MGA: variants seen among roughly 807,000 people sequenced by gnomAD.
MGA encodes MAX gene-associated protein.
MGA carries 40 observed loss-of-function variants against 261.1 expected under a neutral mutation model. The observed-to-expected ratio is 0.15, with a 90% CI of 0.12 to 0.20. The LOEUF (loss-of-function observed/expected upper bound fraction) is 0.20, where lower values mean the gene tolerates loss of function less well. MGA is among the 10% of genes least tolerant of loss of function. MGA has a pLI of 1.00. For missense variants in MGA, 3,397 were observed against 3,630.5 expected, an observed-to-expected ratio of 0.94 and a Z score of 1.65; for synonymous variants, 1,302 against 1,290.6, an observed-to-expected ratio of 1.01 and a Z score of -0.19.
Position 41,696,775 on chromosome 15 carries a change from A to G in MGA, c.1765A>G (p.Thr589Ala). 1 of 1,608,226 alleles carries G rather than the reference A, an allele frequency of 6.2e-7. No individual in the cohort carries two copies. The highest frequency in any genetic ancestry group is 8.5e-7 in the Non-Finnish European group (1 of 1,177,194). Reference sequence around the variant, plus strand: ...AGAGGACTTGGGCAGAAAGAGAACAACTATGCTTAAGATTGCAACAGCCGC... The same window carrying G: ...AGAGGACTTGGGCAGAAAGAGAACAGCTATGCTTAAGATTGCAACAGCCGC... The change falls in exon 3 of 24, where the codon ACT (threonine) becomes GCT (alanine). Residue 589 changes from threonine to alanine, a missense_variant. By Grantham distance (58) the Thr-to-Ala change is moderately conservative. Transcript: ENST00000219905.
chr15:41,739,192 G>A (rs1184260239), intron 13 of MGA, among the ~76,000 whole-genome samples: 1 of 152,098 alleles, frequency 6.6e-6, no homozygotes, highest in Non-Finnish European at 1.5e-5. Flanking sequence ...ATGATGGGCA[G>A]TCTGATAAAC....
At chr15:41,713,129 C>G (rs749733948) in intron 8 of MGA, 22 bp from the exon 9 acceptor site, 1 of 1,601,278 alleles carries the variant, frequency 6.2e-7, no homozygotes, top group Admixed American at 1.7e-5. Flanking sequence ...AGTGGAATTA[C>G]AATTTTCTCC....
chr15:41,756,727 A>G (rs1362637878), intron 18 of MGA, among the ~76,000 whole-genome samples: 2 of 152,218 alleles, frequency 1.3e-5, no homozygotes. Flanking sequence ...CTGCGTATCA[A>G]CATATCTCAG....
intron 10 of MGA, 75 bp from the exon 11 acceptor site, chr15:41,729,088 TA>T (rs1470144967): frequency 7.1e-7 from 1 of 1,408,334 alleles, no homozygotes; most frequent in East Asian, 2.4e-5. Flanking sequence ...AAAAAAAGAT[TA>T]AACATTCGTT....
At position 41,767,905 on chromosome 15, in the gene MGA, GT is replaced by G. The variant is rs2063876590; in HGVS notation, c.*626del. ...TTAACAAATTCAAGCCTTCAGTAAA[GT>G]AGGGATGCTTTTAACTTTTATTATT... On this transcript the variant is annotated 3_prime_UTR_variant, in exon 24 of 24. Transcript: ENST00000219905. 1 of 152,594 alleles carries G rather than the reference GT, an allele frequency of 6.6e-6. No homozygotes were observed. Among genetic ancestry groups the G allele is most frequent in the Non-Finnish European group, 1.5e-5 (1 of 68,048 alleles). The allele number at this position is 152,594 out of a possible 1,614,324, so 9.5% of individuals were successfully genotyped here.
intron 11 of MGA, among the ~76,000 whole-genome samples, chr15:41,732,716 C>T (rs2061573439): frequency 1.3e-5 from 2 of 152,118 alleles, no homozygotes; most frequent in Admixed American, 6.6e-5. Context: ...TATAAGTACC[C>T]TGTAAACACT....
chr15:41,680,371 A>T (rs2058602982), intron 2 of MGA, among the ~76,000 whole-genome samples: 1 of 152,070 alleles, frequency 6.6e-6, no homozygotes, highest in Non-Finnish European at 1.5e-5. Context: ...TAAAAAATTA[A>T]GTAAAAATAG....
At chr15:41,703,368 A>ATC (rs529304989) in intron 5 of MGA, among the ~76,000 whole-genome samples, 2 of 93,250 alleles carry the variant, frequency 2.1e-5, no homozygotes, top group Admixed American at 1.4e-4. Flanking sequence ...TTGTGAAGTT[A>ATC]CCCCCCCCCC....
rs1463241547 is a variant in MGA, at chr15:41,748,694, G to A, written c.5270G>A (p.Arg1757His). 4.3e-6 allele frequency: 7 copies of A among 1,613,858 alleles called. No individual in the cohort carries two copies. The highest frequency in any genetic ancestry group is 3.3e-5 in the Admixed American group (2 of 60,008). The change falls in exon 16 of 24, where the codon CGT becomes CAT. Residue 1757 changes from arginine (R) to histidine (H), a missense_variant. By Grantham distance (29) the Arg-to-His change is conservative. This residue lies in a region of MGA where 1,410 missense variants were observed against 1,386.4 expected (regional missense o/e 1.02). Transcript: ENST00000219905. ...CAGGTCTCTCCTAACACAGTGAAAC[G>A]TGCTGGACCTCGATTGTTGTTGATT...
At chr15:41,662,225 G>T (rs74441838) in intron 1 of MGA, among the ~76,000 whole-genome samples, 2,140 of 152,172 alleles carry the variant, frequency 0.014, 58 homozygotes, top group African/African-American at 0.049. Context: ...GGGTACCTTG[G>T]CATACTTACT....
chr15:41,658,909 T>C (rs2057269202), upstream of MGA, among the ~76,000 whole-genome samples: 1 of 152,086 alleles, frequency 6.6e-6, no homozygotes, highest in Admixed American at 6.6e-5. Flanking sequence ...TATGATCATA[T>C]ATTTTAATGC....
chr15:41,717,580 A>G (rs1000173441), intron 9 of MGA, among the ~76,000 whole-genome samples: 5 of 152,182 alleles, frequency 3.3e-5, no homozygotes, highest in African/African-American at 1.2e-4. Flanking sequence ...CTCAAGAAGA[A>G]ATAGGTGACT....
intron 3 of MGA, among the ~76,000 whole-genome samples, chr15:41,697,418 C>CTTTTTTTTTTT (rs1204938099): frequency 7.5e-6 from 1 of 132,834 alleles, no homozygotes; most frequent in Non-Finnish European, 1.6e-5. Context: ...TTTTTCTTTT[C>CTTTTTTTTTTT]TTTTTTTTTT....
rs1240285034 is a variant in MGA at position 41,718,318 on chromosome 15, T to TAC, written c.3430+4823_3430+4824insCA. 5.1e-4 allele frequency: 126 copies of TAC among 245,132 alleles called. 1 individual carries two copies. Among genetic ancestry groups the TAC allele is most frequent in the East Asian group, 3.4e-3 (59 of 17,604 alleles). The allele number at this position is 245,132 out of a possible 1,614,324, so 15.2% of individuals were successfully genotyped here. A position where few individuals can be genotyped will look rare whatever the true frequency, so the allele number is the denominator to read the frequency against. On this transcript the variant is annotated intron_variant, in intron 9 of 23. Transcript: ENST00000219905. ...GTGTGTGTGTATATATATATATATATATACATATATATATACATGTATAGT... is the reference window on the plus strand; with the variant it reads ...GTGTGTGTGTATATATATATATATATACATACATATATATATACATGTATAGT...
chr15:41,677,283 A>G (rs575861160), intron 2 of MGA, among the ~76,000 whole-genome samples: 36 of 152,254 alleles, frequency 2.4e-4, no homozygotes, highest in African/African-American at 8.4e-4. Context: ...CTGCGATTAC[A>G]GGCACGTGCC....
At chr15:41,731,276 T>C (rs898279280) in intron 11 of MGA, among the ~76,000 whole-genome samples, 3 of 152,144 alleles carry the variant, frequency 2.0e-5, no homozygotes, top group Non-Finnish European at 2.9e-5. Flanking sequence ...ATAAAAACTT[T>C]GTTACCTATA....
Position 41,696,167 on chromosome 15 carries a change from T to C in MGA, c.1157T>C (p.Leu386Pro), listed in dbSNP as rs1224995980. 8.1e-6 allele frequency: 13 copies of C among 1,613,962 alleles called. No individual in the cohort carries two copies. The highest frequency in any genetic ancestry group is 1.1e-5 in the Non-Finnish European group (13 of 1,179,886). Residue 386 changes from leucine to proline, a missense_variant, in exon 3 of 24, where the codon CTA (leucine) becomes CCA (proline). Transcript: ENST00000219905. ...AATGTTGTTATTAAAGAGGAACCTC[T>C]AGATGATTATGACTACGAACTTGGT...
chr15:41,633,242 G>A (rs997465800), intron 1 of MGA, among the ~76,000 whole-genome samples: 2 of 152,070 alleles, frequency 1.3e-5, no homozygotes, highest in African/African-American at 4.8e-5. Context: ...GAGCCACCAC[G>A]CCCAGCCTGG....
intron 1 of MGA, among the ~76,000 whole-genome samples, chr15:41,651,625 T>TCCTCTCC (rs2057046982): frequency 1.1e-5 from 1 of 90,494 alleles, no homozygotes; most frequent in Non-Finnish European, 2.2e-5. Context: ...CTCTCCTCTC[T>TCCTCTCC]CCTCTTCTCT....
Sources: allele counts gnomAD v4.1 joint callset (sites outside exome capture counted in the v4.1 genomes callset), GRCh38; gene constraint gnomAD v4.1.1; regional missense constraint gnomAD v4.1.1; transcripts MANE v1.5; gene names NCBI Gene and HGNC (gene_info 2026-07-23, HGNC 2026-07-21).